Variants in SNURF observed in about 807,000 individuals in gnomAD.
The protein encoded by SNURF is SNRPN upstream open reading frame.
Under a neutral mutation model 11.6 loss-of-function variants are expected in SNURF, and 6 were observed. The ratio of observed to expected loss-of-function variants is 0.52; its 90% CI spans 0.28 to 1.02. The LOEUF (loss-of-function observed/expected upper bound fraction) is 1.02. Ranked by LOEUF, SNURF falls within the 50% of genes least tolerant of loss-of-function variation. The probability of loss-of-function intolerance (pLI) is 0.09; values close to 1 mark genes in which losing one functional copy is unlikely to be tolerated. For missense variants in SNURF, 84 were observed against 88.4 expected (o/e 0.95, Z 0.20); for synonymous variants, 29 against 31.6 (o/e 0.92, Z 0.27).
intron 1 of SNURF, among the ~76,000 whole-genome samples, chr15:24,959,457 T>TA (rs1006561692): frequency 6.6e-6 from 1 of 152,186 alleles, no homozygotes; most frequent in South Asian, 2.1e-4. Flanking sequence ...TCTCTACATT[T>TA]AAAAAAAGGT....
intron 5 of SNURF, among the ~76,000 whole-genome samples, chr15:24,976,690 G>C (rs2077094869): frequency 6.6e-6 from 1 of 152,176 alleles, no homozygotes. Context: ...TTCACAATTT[G>C]ACAAATAATG....
chr15:24,977,123 A>G (rs868582859), intron 6 of SNURF: 131 of 967,460 alleles, frequency 1.4e-4, no homozygotes, highest in African/African-American at 1.8e-4. Context: ...GTGTCATACA[A>G]TGTAAACAGC....
At chr15:24,965,586 T>C (rs2075494601) in intron 2 of SNURF, among the ~76,000 whole-genome samples, 1 of 152,210 alleles carries the variant, frequency 6.6e-6, no homozygotes, top group South Asian at 2.1e-4. Context: ...TTTTTTATTC[T>C]GTCTTTCAGT....
intron 2 of SNURF, among the ~76,000 whole-genome samples, chr15:24,963,586 G>A (rs555188070): frequency 2.0e-5 from 3 of 150,568 alleles, no homozygotes; most frequent in African/African-American, 7.4e-5. Flanking sequence ...CTGCACTCTA[G>A]CCTGGGTGAC....
chr15:24,959,466 G>A (rs927570898), intron 1 of SNURF, among the ~76,000 whole-genome samples: 1 of 152,152 alleles, frequency 6.6e-6, no homozygotes, highest in Non-Finnish European at 1.5e-5. Context: ...TTAAAAAAAG[G>A]TAAATTCAGA....
At chr15:24,955,546 C>G (rs575714635) in intron 1 of SNURF, among the ~76,000 whole-genome samples, 2 of 143,468 alleles carry the variant, frequency 1.4e-5, no homozygotes, top group East Asian at 2.1e-4. Context: ...GGGTGTTGAG[C>G]GCAGGTAGGT....
chr15:24,968,094 T>C (rs748205165), exon 3 of SNURF: 55 of 1,395,296 alleles, frequency 3.9e-5, no homozygotes, highest in Non-Finnish European at 5.4e-5. Flanking sequence ...TTAGAGCTAA[T>C]GCAGCAATGA....
intron 2 of SNURF, among the ~76,000 whole-genome samples, chr15:24,966,822 G>A (rs1041889450): frequency 4.6e-5 from 7 of 152,150 alleles, no homozygotes; most frequent in Admixed American, 4.6e-4. Flanking sequence ...AACAAGGGCA[G>A]CATTGTTGGT....
chr15:24,976,367 G>C, exon 5 of SNURF: 1 of 1,613,362 alleles, frequency 6.2e-7, no homozygotes, highest in African/African-American at 1.3e-5. Context: ...GTGTTGCTGC[G>C]TGGGGAGAAC....
downstream of SNURF, among the ~76,000 whole-genome samples, chr15:24,969,303 AT>A (rs1403278402): frequency 1.3e-5 from 2 of 151,922 alleles, no homozygotes; most frequent in Non-Finnish European, 2.9e-5. Flanking sequence ...TAATTTTTGT[AT>A]TTTTGGTAGA....
At chr15:24,975,081 GA>G in intron 3 of SNURF, 1 of 669,108 alleles carries the variant, frequency 1.5e-6, no homozygotes, top group South Asian at 1.6e-5. Flanking sequence ...TTACTTAGGG[GA>G]GTGGACAGTT....
At chr15:24,968,192 A>T in exon 3 of SNURF, 2 of 682,106 alleles carry the variant, frequency 2.9e-6, no homozygotes, top group Non-Finnish European at 5.1e-6. Context: ...AGAGCTTCAT[A>T]CAATAAACAC....
At chr15:24,977,502 T>G (rs537765329) in intron 6 of SNURF, among the ~76,000 whole-genome samples, 2 of 151,922 alleles carry the variant, frequency 1.3e-5, no homozygotes, top group Non-Finnish European at 2.9e-5. Context: ...CAGCTGTGTG[T>G]GGTGGTGGGT....
chr15:24,962,267 C>T lies in SNURF; in HGVS notation c.110+58C>T. ...GTCAGAATCTCCTTTCAGATTAGAA[C>T]AAAATATCATGCAATGAGGGGATTA... On this transcript the variant is annotated intron_variant, in intron 2 of 2. Coordinates refer to ENST00000577949, the Ensembl canonical transcript of SNURF. 12 of 1,373,322 alleles carry T rather than the reference C, an allele frequency of 8.7e-6. No homozygotes were observed. In the South Asian group the frequency reaches 1.4e-4, roughly 16 times the overall value. The allele number at this position is 1,373,322 out of a possible 1,614,324, so 85.1% of individuals were successfully genotyped here. A position where few individuals can be genotyped will look rare whatever the true frequency, so the allele number is the denominator to read the frequency against.
chr15:24,966,284 GTT>G (rs10588023), intron 2 of SNURF, among the ~76,000 whole-genome samples: 20,525 of 151,996 alleles, frequency 0.14, 2,478 homozygotes, highest in African/African-American at 0.33. Flanking sequence ...ATACTTACTA[GTT>G]TTTTTTATAA....
At chr15:24,972,830 G>A (rs1336615472), downstream of SNURF, among the ~76,000 whole-genome samples, 1 of 152,054 alleles carries the variant, frequency 6.6e-6, no homozygotes, top group Non-Finnish European at 1.5e-5. Flanking sequence ...GACTGCATAT[G>A]TCAGAGCAGT....
intron 1 of SNURF, among the ~76,000 whole-genome samples, chr15:24,961,772 G>T (rs966689444): frequency 1.3e-5 from 2 of 152,106 alleles, no homozygotes; most frequent in Non-Finnish European, 2.9e-5. Context: ...TGGGGGGAAG[G>T]TGAGTAGGGT....
chr15:24,967,551 A>T (rs1224541853), intron 2 of SNURF, among the ~76,000 whole-genome samples: 2 of 151,922 alleles, frequency 1.3e-5, no homozygotes, highest in Non-Finnish European at 2.9e-5. Context: ...CTGACACTGG[A>T]GAATGGCGTG....
chr15:24,955,498 T>C (rs1361780035), intron 1 of SNURF, among the ~76,000 whole-genome samples: 1 of 147,366 alleles, frequency 6.8e-6, no homozygotes, highest in Non-Finnish European at 1.5e-5. Context: ...GGAGTGATTG[T>C]GGCGGGGCGA....
Sources: allele counts gnomAD v4.1 joint callset (sites outside exome capture counted in the v4.1 genomes callset), GRCh38; gene constraint gnomAD v4.1.1; transcripts MANE v1.5; gene names NCBI Gene and HGNC (gene_info 2026-07-23, HGNC 2026-07-21).